RBM39: variants seen among roughly 807,000 people sequenced by gnomAD.
RBM39 encodes the protein RNA-binding protein 39.
A neutral mutation model predicts 79.6 loss-of-function variants in RBM39; 12 were observed. The observed-to-expected ratio is 0.15, with a 90% CI of 0.10 to 0.24. The LOEUF (loss-of-function observed/expected upper bound fraction) is 0.24, where lower values mean the gene tolerates loss of function less well. RBM39 is among the 10% of genes least tolerant of loss of function. The pLI, the probability that RBM39 is intolerant of heterozygous loss-of-function variation, is 1.00. For synonymous variants in RBM39, 185 were observed against 208.4 expected, an observed-to-expected ratio of 0.89 and a Z score of 0.97; for missense variants, 243 against 653.4, an observed-to-expected ratio of 0.37 and a Z score of 6.85.
At chr20:35,729,057 CTGAG>C (rs766267616) in intron 6 of RBM39, among the ~76,000 whole-genome samples, 20 of 148,650 alleles carry the variant, frequency 1.3e-4, no homozygotes, top group African/African-American at 3.2e-4. Context: ...TCCTGGGTGA[CTGAG>C]TGAGACTCCG....
intron 3 of RBM39, among the ~76,000 whole-genome samples, chr20:35,737,419 G>T (rs2040051057): frequency 6.6e-6 from 1 of 151,054 alleles, no homozygotes; most frequent in Non-Finnish European, 1.5e-5. Context: ...AATTAGCCAG[G>T]CGTGGTGGCA....
chr20:35,732,977 T>A (rs1457224508), intron 3 of RBM39, among the ~76,000 whole-genome samples: 7 of 152,330 alleles, frequency 4.6e-5, no homozygotes, highest in African/African-American at 1.7e-4. Context: ...ATTTTGGTTT[T>A]CATGGGCAAA....
intron 12 of RBM39, chr20:35,710,567 ATTTT>A (rs1455461561): frequency 6.6e-6 from 1 of 152,170 alleles, no homozygotes; most frequent in Admixed American, 6.5e-5. Context: ...ACTCTAACCT[ATTTT>A]AGAAAGGGCC....
chr20:35,724,433 A>T (rs1328359094), intron 8 of RBM39, 137 bp downstream of exon 8: 8 of 138,226 alleles, frequency 5.8e-5, no homozygotes, highest in Non-Finnish European at 8.3e-5. Context: ...ACGCAAAGTT[A>T]AAAAAAAAAA....
intron 2 of RBM39, 125 bp downstream of exon 2, chr20:35,740,699 G>T: frequency 7.7e-7 from 1 of 1,290,594 alleles, no homozygotes; most frequent in Non-Finnish European, 1.1e-6. Context: ...TAAGTTACAC[G>T]TAATGCATCT....
intron 12 of RBM39, chr20:35,710,317 G>A (rs2036247873): frequency 6.6e-6 from 1 of 152,170 alleles, no homozygotes; most frequent in Non-Finnish European, 1.5e-5. Context: ...GCATCTCAGG[G>A]AGCTGAAGAA....
At chr20:35,704,834 T>C (rs113363776) in intron 15 of RBM39, 88 bp from the exon 16 acceptor site, 10 of 1,094,638 alleles carry the variant, frequency 9.1e-6, no homozygotes, top group East Asian at 2.4e-5. Context: ...TGTAGAAACT[T>C]AGTGCTCTAT....
intron 6 of RBM39, among the ~76,000 whole-genome samples, chr20:35,727,481 G>C (rs781667734): frequency 6.0e-5 from 9 of 150,446 alleles, no homozygotes; most frequent in Non-Finnish European, 8.9e-5. Context: ...AACAAATACA[G>C]TTCCCTTTTT....
chr20:35,735,846 T>C (rs2039847472), intron 3 of RBM39, among the ~76,000 whole-genome samples: 2 of 152,214 alleles, frequency 1.3e-5, no homozygotes, highest in Non-Finnish European at 2.9e-5. Context: ...AAGAAAATTG[T>C]CCATTCTCCT....
rs192323414 is a variant in RBM39, at chr20:35,724,051, G to A, written c.687+519C>T. ...AGTGAGACCCTATCTCAAAAACAAG[G>A]CCAGGTGTGGTGGCTCACAACTGTA... On this transcript the variant is annotated intron_variant, in intron 8 of 16. Coordinates refer to ENST00000253363, the MANE Select transcript of RBM39 (RefSeq NM_184234.3). Among the ~76,000 whole-genome samples, 684 of 151,908 alleles carry A rather than the reference G, an allele frequency of 4.5e-3. 11 individuals carry two copies. Among genetic ancestry groups the A allele is most frequent in the Non-Finnish European group, 4.1e-3 (277 of 67,948 alleles).
chr20:35,737,768 G>A (rs2040099565), intron 3 of RBM39, among the ~76,000 whole-genome samples: 1 of 143,088 alleles, frequency 7.0e-6, no homozygotes, highest in African/African-American at 2.6e-5. Flanking sequence ...AGAATAGCAT[G>A]AACCCAGGAG....
chr20:35,727,106 G>A (rs1001211945), intron 6 of RBM39, among the ~76,000 whole-genome samples: 4 of 152,022 alleles, frequency 2.6e-5, no homozygotes, highest in African/African-American at 9.7e-5. Context: ...AAGCTTTTAA[G>A]GCCGGGAGTA....
chr20:35,734,027 A>ATT, intron 3 of RBM39, among the ~76,000 whole-genome samples: 2 of 152,256 alleles, frequency 1.3e-5, no homozygotes, highest in Non-Finnish European at 2.9e-5. Context: ...CTTAATGATT[A>ATT]AACATTTTGA....
chr20:35,713,220 A>T (rs2036659594), intron 11 of RBM39, 124 bp from the exon 12 acceptor site: 2 of 734,228 alleles, frequency 2.7e-6, no homozygotes, highest in Non-Finnish European at 4.3e-6. Context: ...GTGGTGGTTG[A>T]CGCCTGTAAC....
intron 6 of RBM39, among the ~76,000 whole-genome samples, chr20:35,727,093 C>T (rs1220007359): frequency 6.6e-6 from 1 of 151,972 alleles, no homozygotes; most frequent in Admixed American, 6.6e-5. Context: ...ACGCCAGGCA[C>T]AAAAGCTTTT....
At chr20:35,707,744 C>T (rs2035918187) in intron 13 of RBM39, 1 of 243,568 alleles carries the variant, frequency 4.1e-6, no homozygotes, top group Non-Finnish European at 8.4e-6. Flanking sequence ...AAAAATAAAT[C>T]CTATTAATAA....
intron 9 of RBM39, among the ~76,000 whole-genome samples, chr20:35,717,204 C>G: frequency 6.6e-6 from 1 of 151,436 alleles, no homozygotes; most frequent in Non-Finnish European, 1.5e-5. Context: ...TGCTTGAACC[C>G]GGGAGGCAGA....
rs769842768 is a variant in RBM39, at chr20:35,724,591, T to C, written c.666A>G (p.Pro222=). Residue 222 remains proline, a synonymous_variant, in exon 8 of 17, where the codon CCA becomes CCG. Coordinates refer to ENST00000253363, the MANE Select transcript of RBM39 (RefSeq NM_184234.3). The part of the protein sequence containing the change: ...GLTGQRVLGV[P]IIVQASQAEK... ...TTACCTGTGATGCCTGTACTATGAT[T>C]GGCACGCCTAAAACTCGTTGGCCAG... 1.2e-6 allele frequency: 2 copies of C among 1,613,980 alleles called. No individual in the cohort carries two copies. Among genetic ancestry groups the C allele is most frequent in the Non-Finnish European group, 1.7e-6 (2 of 1,179,976 alleles).
rs1219155113 is a variant in RBM39, at chr20:35,701,484, T to C, written c.*2997A>G. 2 of 153,132 alleles carry C rather than the reference T, an allele frequency of 1.3e-5. No homozygotes were observed. Among genetic ancestry groups the C allele is most frequent in the Non-Finnish European group, 2.9e-5 (2 of 68,812 alleles). The allele number at this position is 153,132 out of a possible 1,614,324, so 9.5% of individuals were successfully genotyped here. A position where few individuals can be genotyped will look rare whatever the true frequency, so the allele number is the denominator to read the frequency against. On this transcript the variant is annotated 3_prime_UTR_variant, in exon 17 of 17. Transcript: ENST00000253363. ...TTTTGTATTGTTAGGCTGGGCGCGG[T>C]GGCTTATGCCTGTAATCCCAGCACT...
Sources: gnomAD v4.1 joint callset for allele counts (sites outside exome capture counted in the v4.1 genomes callset) on GRCh38, gnomAD v4.1.1 for gene constraint, MANE v1.5 for transcripts, NCBI Gene and HGNC (gene_info 2026-07-23, HGNC 2026-07-21) for gene names.